Variants in UBE3B observed in about 807,000 individuals in gnomAD.
UBE3B encodes the protein ubiquitin-protein ligase E3B.
UBE3B carries 80 observed loss-of-function variants against 132.3 expected under a neutral mutation model. That is an observed-to-expected ratio of 0.60 (90% confidence interval 0.50 to 0.73). UBE3B has a LOEUF of 0.73. UBE3B is among the 30% of genes least tolerant of loss of function. The probability of loss-of-function intolerance (pLI) is 0.00; values close to 1 mark genes in which losing one functional copy is unlikely to be tolerated. For missense variants in UBE3B, 1,196 were observed against 1,362.5 expected (o/e 0.88, Z 1.92); for synonymous variants, 487 against 520.4 (o/e 0.94, Z 0.87).
Position 109,522,417 on chromosome 12 carries a change from A to C in UBE3B, c.2364+866A>C, listed in dbSNP as rs1881824111. Among the ~76,000 whole-genome samples, 1 of 152,082 alleles carries C rather than the reference A, an allele frequency of 6.6e-6. No individual in the cohort carries two copies. Among genetic ancestry groups the C allele is most frequent in the Admixed American group, 6.5e-5 (1 of 15,274 alleles). On this transcript the variant is annotated intron_variant, in intron 21 of 27. Transcript: ENST00000342494. This position sits in a 1 kb window ranked among gnomAD's most constrained non-coding sequence, Gnocchi z 4.2. ...TGGGAGAGTCCTGTTTCCCAGGAGG[A>C]AGGAAAGCTGCAGCACAAGCCCAGC...
chr12:109,516,471 C>G (rs1391242661), intron 18 of UBE3B, among the ~76,000 whole-genome samples: 2 of 152,102 alleles, frequency 1.3e-5, no homozygotes, highest in African/African-American at 4.8e-5. Context: ...GCCCCCACGC[C>G]CAGCCTTGAG....
At chr12:109,480,700 T>G (rs965086303) in intron 1 of UBE3B, among the ~76,000 whole-genome samples, 1 of 151,184 alleles carries the variant, frequency 6.6e-6, no homozygotes, top group African/African-American at 2.4e-5. Context: ...GTGGCAGAGC[T>G]AGGGACTGGC....
chr12:109,533,673 A>G (rs1273370011), intron 27 of UBE3B, 115 bp downstream of exon 27: 17 of 1,102,962 alleles, frequency 1.5e-5, no homozygotes, highest in Non-Finnish European at 2.3e-5. Context: ...AGGCAGCTGG[A>G]CCCCTCAGAG....
intron 18 of UBE3B, 30 bp downstream of exon 18, chr12:109,511,333 G>T (rs760666371): frequency 6.2e-7 from 1 of 1,602,016 alleles, no homozygotes; most frequent in South Asian, 1.1e-5. Context: ...GGGCCCCGAT[G>T]TGTCTTTCTA....
rs372352298 is a variant in UBE3B at position 109,498,234 on chromosome 12, G to A, written c.821G>A (p.Arg274His). The A allele has an allele frequency of 2.4e-5, 39 of 1,613,906 alleles. No individual in the cohort carries two copies. Among genetic ancestry groups the A allele is most frequent in the East Asian group, 2.0e-4 (9 of 44,868 alleles). Residue 274 changes from arginine (R) to histidine (H), a missense_variant and splice_region_variant, in exon 11 of 28, where the codon CGC (arginine) becomes CAC (histidine). Arg to His is a conservative substitution (Grantham distance 29). Transcript: ENST00000342494. ...VTHLSTVTPE[R>H]LTVLESHDML... ...TTAACGGTCTGCTATTCTTTGCAGC[G>A]CCTCACTGTTTTAGAATCCCATGAC...
rs556393125 is a variant in UBE3B, at chr12:109,502,193, C to T, written c.1282+659C>T. On this transcript the variant is annotated intron_variant, in intron 13 of 27. Coordinates refer to ENST00000342494, the MANE Select transcript of UBE3B (RefSeq NM_130466.4). Reference sequence around the variant, plus strand: ...AACCAACATGAAATGTTTCAGAAACCGACATGAAAAGGGGTCTGTGGATGC... The same window carrying T: ...AACCAACATGAAATGTTTCAGAAACTGACATGAAAAGGGGTCTGTGGATGC... 3.3e-5 allele frequency among the ~76,000 whole-genome samples: 5 copies of T among 152,204 alleles called. No individual in the cohort carries two copies. In the South Asian group the frequency reaches 6.2e-4, roughly 19 times the overall value.
intron 1 of UBE3B, among the ~76,000 whole-genome samples, chr12:109,480,185 AAG>A (rs1476804747): frequency 6.6e-6 from 1 of 151,872 alleles, no homozygotes; most frequent in South Asian, 2.1e-4. Flanking sequence ...GCCTCTGCTG[AAG>A]AGTTTTTTTT....
chr12:109,481,491 G>A (rs1033223642), intron 1 of UBE3B, 146 bp from the exon 2 acceptor site: 3 of 152,120 alleles, frequency 2.0e-5, no homozygotes, highest in African/African-American at 7.2e-5. Context: ...ACATTTAGAT[G>A]AGACATTAAA....
chr12:109,486,329 C>T (rs1441838869), intron 5 of UBE3B, 142 bp from the exon 6 acceptor site: 6 of 751,792 alleles, frequency 8.0e-6, no homozygotes, highest in Non-Finnish European at 1.3e-5. Context: ...AAAATAAGTC[C>T]TGTTTACAGC....
chr12:109,489,854 G>A, intron 7 of UBE3B, 65 bp from the exon 8 acceptor site: 1 of 1,463,660 alleles, frequency 6.8e-7, no homozygotes, highest in Non-Finnish European at 9.6e-7. Flanking sequence ...ACAATTTCCT[G>A]TCCCACATAA....
rs1236915490 is a variant in UBE3B, at chr12:109,525,206, G to T, written c.2568+703G>T. On this transcript the variant is annotated intron_variant, in intron 23 of 27. Transcript: ENST00000342494. ...TGGATGGGCCCAGTCTGTAAGCACC[G>T]CTGGGAGCCCTGCGTGGCCTGTCCT... Among the ~76,000 whole-genome samples the T allele has an allele frequency of 2.6e-5, 4 of 152,180 alleles. No homozygotes were observed. In the East Asian group the frequency reaches 7.7e-4, roughly 29 times the overall value.
At chr12:109,499,207 A>G (rs1196957523) in intron 11 of UBE3B, among the ~76,000 whole-genome samples, 1 of 152,134 alleles carries the variant, frequency 6.6e-6, no homozygotes, top group Non-Finnish European at 1.5e-5. Flanking sequence ...TTCCCACGAC[A>G]CTCAGATACT....
Position 109,524,104 on chromosome 12 carries a change from A to C in UBE3B, c.2491A>C (p.Thr831Pro). The change falls in exon 22 of 28, where the codon ACC becomes CCC. Residue 831 changes from threonine to proline, a missense_variant. Physicochemically the swap from Thr to Pro is conservative, Grantham distance 38. Transcript: ENST00000342494. ...SLDSEFYKNL[T>P]SIKRYDGDIT... ...GGACTCCGAGTTCTATAAAAACCTC[A>C]CCTCCATCAAGGTGAGCATGGAATG... 1 of 1,613,894 alleles carries C rather than the reference A, an allele frequency of 6.2e-7. No homozygotes were observed. The highest frequency in any genetic ancestry group is 8.5e-7 in the Non-Finnish European group (1 of 1,179,960).
chr12:109,506,503 C>T (rs1224859262), intron 14 of UBE3B, among the ~76,000 whole-genome samples: 1 of 152,172 alleles, frequency 6.6e-6, no homozygotes, highest in African/African-American at 2.4e-5. Flanking sequence ...TGCTGGCCAC[C>T]ACGCCCGGCT....
At chr12:109,519,874 G>A (rs1881485900) in intron 19 of UBE3B, 1 of 114,272 alleles carries the variant, frequency 8.8e-6, no homozygotes, top group Non-Finnish European at 1.8e-5. Context: ...TAACTTTGAA[G>A]CCTAACCCCT....
chr12:109,486,412 A>G (rs1876432475), intron 5 of UBE3B, 59 bp from the exon 6 acceptor site: 7 of 1,383,854 alleles, frequency 5.1e-6, no homozygotes, highest in Admixed American at 2.0e-5. Flanking sequence ...CAACAGTTAG[A>G]GCACAAGTGA....
At position 109,491,066 on chromosome 12, in the gene UBE3B, G is replaced by A. The variant is rs866604449; in HGVS notation, c.652G>A (p.Ala218Thr). 6.2e-7 allele frequency: 1 copy of A among 1,613,644 alleles called. No homozygotes were observed. Among genetic ancestry groups the A allele is most frequent in the Non-Finnish European group, 8.5e-7 (1 of 1,179,682 alleles). The part of the protein sequence containing the change: ...VLQILLTRGL[A>T]RPRPCLSKGT... ...TCAGATATTGTTAACCCGTGGCCTG[G>A]CAAGACCCCGTCCTTGTCTATCCAA... The change falls in exon 9 of 28, where the codon GCA (alanine) becomes ACA (threonine). Residue 218 changes from alanine to threonine, a missense_variant. Transcript: ENST00000342494.
chr12:109,495,343 C>G (rs988247380), intron 9 of UBE3B, among the ~76,000 whole-genome samples: 1 of 152,122 alleles, frequency 6.6e-6, no homozygotes, highest in Admixed American at 6.5e-5. Context: ...GTTCTCATAC[C>G]TTTTTTTCTG....
At chr12:109,516,647 G>A in intron 18 of UBE3B, 118 bp from the exon 19 acceptor site, 1 of 1,485,484 alleles carries the variant, frequency 6.7e-7, no homozygotes. Flanking sequence ...CACATGTTAA[G>A]GCATCCCATT....
Sources: gnomAD v4.1 joint callset for allele counts (sites outside exome capture counted in the v4.1 genomes callset) on GRCh38, gnomAD v4.1.1 for gene constraint, Gnocchi (gnomAD v3.1) non-coding constraint, MANE v1.5 for transcripts, NCBI Gene and HGNC (gene_info 2026-07-23, HGNC 2026-07-21) for gene names.